Variants in OR4K1 observed in about 807,000 individuals in gnomAD.
OR4K1 encodes the protein olfactory receptor 4K1.
OR4K1 carries 16 observed loss-of-function variants against 14.4 expected under a neutral mutation model. The ratio of observed to expected loss-of-function variants is 1.11; its 90% CI spans 0.75 to 1.68. OR4K1 has a LOEUF of 1.68. OR4K1 is among the 40% of genes most tolerant of loss of function. The pLI is 0.00. For synonymous variants in OR4K1, 181 were observed against 133.1 expected, an observed-to-expected ratio of 1.36 and a Z score of -2.48; for missense variants, 548 against 376.9, an observed-to-expected ratio of 1.45 and a Z score of -3.76.
upstream of OR4K1, among the ~76,000 whole-genome samples, chr14:19,926,361 C>G (rs992997405): frequency 6.6e-6 from 1 of 152,204 alleles, no homozygotes; most frequent in South Asian, 2.1e-4. Flanking sequence ...CCTGAGGGAA[C>G]TTAATGGTCA....
intron 1 of OR4K1, among the ~76,000 whole-genome samples, chr14:19,934,211 G>A (rs891648556): frequency 3.3e-5 from 5 of 152,216 alleles, no homozygotes; most frequent in Non-Finnish European, 2.9e-5. Context: ...GGTCAAAAAT[G>A]TTTCCTGAAC....
the OR4K1 span, among the ~76,000 whole-genome samples, chr14:19,924,564 T>G: frequency 6.6e-6 from 1 of 152,184 alleles, no homozygotes; most frequent in Admixed American, 6.5e-5. Flanking sequence ...GGTGAAACTG[T>G]GGAGAAATAG....
chr14:19,929,415 GGA>G (rs1322989741), upstream of OR4K1, among the ~76,000 whole-genome samples: 48 of 144,454 alleles, frequency 3.3e-4, no homozygotes, highest in East Asian at 1.2e-3. Context: ...GCGTATGGGG[GGA>G]GAGAGAGAGA....
At chr14:19,921,491 G>A in the OR4K1 span, 2 of 1,614,048 alleles carry the variant, frequency 1.2e-6, no homozygotes, top group Non-Finnish European at 1.7e-6. Context: ...GGGATATGAA[G>A]GCTGCCGTAA....
rs1273788964 is a variant in OR4K1 at position 19,936,355 on chromosome 14, C to G, written c.689C>G (p.Ser230Cys). 6.2e-7 allele frequency: 1 copy of G among 1,614,242 alleles called. No individual in the cohort carries two copies. Among genetic ancestry groups the G allele is most frequent in the East Asian group, 2.2e-5 (1 of 44,888 alleles). ...IILIGVRCRS[S>C]SGSSKALSTL... Reference sequence around the variant, plus strand: ...TTGATCGGTGTCCGATGCAGGTCCTCCAGTGGGTCATCTAAGGCTCTTTCT... The same window carrying G: ...TTGATCGGTGTCCGATGCAGGTCCTGCAGTGGGTCATCTAAGGCTCTTTCT... Residue 230 changes from serine to cysteine, a missense_variant, in exon 2 of 2, where the codon TCC (serine) becomes TGC (cysteine). By Grantham distance (112) the Ser-to-Cys change is moderately radical. Coordinates refer to ENST00000641172, the MANE Select transcript of OR4K1 (RefSeq NM_001004063.3).
At chr14:19,932,333 TTCCTCC>T (rs113089255) in intron 1 of OR4K1, among the ~76,000 whole-genome samples, 35 of 151,614 alleles carry the variant, frequency 2.3e-4, no homozygotes, top group African/African-American at 5.6e-4. Flanking sequence ...TCCTTTTTTC[TTCCTCC>T]TCCTCCTCCT....
At chr14:19,932,571 CTG>C (rs1882209073) in intron 1 of OR4K1, among the ~76,000 whole-genome samples, 1 of 152,252 alleles carries the variant, frequency 6.6e-6, no homozygotes, top group Admixed American at 6.5e-5. Context: ...AAATCCAAGA[CTG>C]TCCCACTTTA....
chr14:19,934,822 C>G (rs944495883), intron 1 of OR4K1, among the ~76,000 whole-genome samples: 1 of 152,214 alleles, frequency 6.6e-6, no homozygotes, highest in Non-Finnish European at 1.5e-5. Context: ...AGGTGCCCAC[C>G]ACCACGCCCG....
the OR4K1 span, among the ~76,000 whole-genome samples, chr14:19,924,906 A>T: frequency 2.0e-5 from 3 of 152,342 alleles, no homozygotes; most frequent in South Asian, 6.2e-4. Flanking sequence ...TTCGGTTAGG[A>T]TTGTGATATT....
At chr14:19,930,735 CT>C (rs1203244579), upstream of OR4K1, among the ~76,000 whole-genome samples, 2 of 152,200 alleles carry the variant, frequency 1.3e-5, no homozygotes, top group African/African-American at 4.8e-5. Context: ...ACAAACAAAC[CT>C]TTTTTTCTTT....
intron 1 of OR4K1, among the ~76,000 whole-genome samples, chr14:19,934,858 A>T (rs144462668): frequency 3.9e-4 from 60 of 152,310 alleles, no homozygotes; most frequent in Non-Finnish European, 7.2e-4. Flanking sequence ...TTTTTAGTAG[A>T]GACGGGGTTT....
At chr14:19,934,301 G>A (rs1027712855) in intron 1 of OR4K1, among the ~76,000 whole-genome samples, 9 of 152,350 alleles carry the variant, frequency 5.9e-5, no homozygotes, top group East Asian at 3.9e-4. Flanking sequence ...AAACATTTAA[G>A]AGCAAATTTA....
At chr14:19,926,422 T>C (rs1233434775), upstream of OR4K1, among the ~76,000 whole-genome samples, 6 of 152,244 alleles carry the variant, frequency 3.9e-5, no homozygotes, top group Non-Finnish European at 5.9e-5. Flanking sequence ...CATGCACTGA[T>C]TAGACCTGTG....
chr14:19,936,745 CAA>C lies in OR4K1; in HGVS notation c.*144_*145del, dbSNP rs372595837. On this transcript the variant is annotated 3_prime_UTR_variant, in exon 2 of 2. Coordinates refer to ENST00000641172, the MANE Select transcript of OR4K1 (RefSeq NM_001004063.3). ...TGTTTTAAGTGCAAGGGAATTGCAT[CAA>C]GTCAGTCTCTGGTTCTATTTAAATA... 3.9e-4 allele frequency: 225 copies of C among 582,146 alleles called. No individual in the cohort carries two copies. In the East Asian group the frequency reaches 5.5e-3, roughly 14 times the overall value. The allele number at this position is 582,146 out of a possible 1,614,324, so 36.1% of individuals were successfully genotyped here. A position where few individuals can be genotyped will look rare whatever the true frequency, so the allele number is the denominator to read the frequency against.
the OR4K1 span, chr14:19,921,440 C>A: frequency 1.2e-6 from 2 of 1,614,126 alleles, no homozygotes; most frequent in Admixed American, 3.3e-5. Flanking sequence ...ACACTGTTTT[C>A]ACCCCCGTCC....
chr14:19,927,538 T>C (rs3898089), upstream of OR4K1, among the ~76,000 whole-genome samples: 1,606 of 152,062 alleles, frequency 0.011, 9 homozygotes, highest in South Asian at 0.045. Context: ...TAGATTTTTG[T>C]ACTTTACAAC....
chr14:19,923,524 C>T, the OR4K1 span, among the ~76,000 whole-genome samples: 1 of 152,072 alleles, frequency 6.6e-6, no homozygotes, highest in African/African-American at 2.4e-5. Flanking sequence ...TTGTATATAA[C>T]ATATTTATTA....
chr14:19,920,510 A>G, the OR4K1 span: 1 of 1,432,702 alleles, frequency 7.0e-7, no homozygotes, highest in Non-Finnish European at 9.4e-7. Flanking sequence ...GAGATCTCAG[A>G]ATCCCTCACC....
At chr14:19,921,147 C>G in the OR4K1 span, 1 of 1,613,988 alleles carries the variant, frequency 6.2e-7, no homozygotes, top group Non-Finnish European at 8.5e-7. Flanking sequence ...TTTTTGTGAT[C>G]TTCCTCGAGT....
Sources: allele counts gnomAD v4.1 joint callset (sites outside exome capture counted in the v4.1 genomes callset), GRCh38; gene constraint gnomAD v4.1.1; transcripts MANE v1.5; gene names NCBI Gene and HGNC (gene_info 2026-07-23, HGNC 2026-07-21).